The following EBPL variants were observed in gnomAD, a reference collection of about 807,000 sequenced individuals.
EBPL encodes the protein emopamil-binding protein-like.
In EBPL, 20 loss-of-function variants were observed where a neutral mutation model predicts 19.0. The observed-to-expected ratio is 1.05, with a 90% CI of 0.74 to 1.53. EBPL has a LOEUF of 1.53. EBPL is among the 40% of genes most tolerant of loss of function. The pLI, the probability that EBPL is intolerant of heterozygous loss-of-function variation, is 0.00. For synonymous variants in EBPL, 107 were observed against 117.0 expected, an observed-to-expected ratio of 0.91 and a Z score of 0.55; for missense variants, 219 against 261.1, an observed-to-expected ratio of 0.84 and a Z score of 1.11.
At chr13:49,680,344 G>A (rs1953928654) in intron 1 of EBPL, among the ~76,000 whole-genome samples, 1 of 152,192 alleles carries the variant, frequency 6.6e-6, no homozygotes, top group Non-Finnish European at 1.5e-5. Flanking sequence ...AACGTAAAGT[G>A]ACATGAGGTC....
intron 1 of EBPL, among the ~76,000 whole-genome samples, chr13:49,687,159 G>T (rs1169875626): frequency 6.6e-6 from 1 of 152,086 alleles, no homozygotes; most frequent in Non-Finnish European, 1.5e-5. Flanking sequence ...GCCAGATTTT[G>T]CTGTCTTAGT....
chr13:49,661,989 T>C, intron 3 of EBPL: 1 of 1,415,438 alleles, frequency 7.1e-7, no homozygotes, highest in Non-Finnish European at 9.7e-7. Context: ...ATAGGATGGA[T>C]AATTTTTTCA....
At chr13:49,690,173 C>CAAAAAAAAAAAAAAAAA (rs1332181431) in intron 1 of EBPL, among the ~76,000 whole-genome samples, 1 of 96,488 alleles carries the variant, frequency 1.0e-5, no homozygotes, top group African/African-American at 4.0e-5. Flanking sequence ...AAAAAAAAGA[C>CAAAAAAAAAAAAAAAAA]AAAAAAAAAA....
intron 1 of EBPL, among the ~76,000 whole-genome samples, chr13:49,675,092 C>T (rs1275980040): frequency 2.6e-5 from 4 of 152,188 alleles, no homozygotes; most frequent in South Asian, 2.1e-4. Context: ...AACGGTGATA[C>T]GCTCTGAGAA....
intron 1 of EBPL, among the ~76,000 whole-genome samples, chr13:49,672,653 G>A (rs1252432419): frequency 2.6e-5 from 4 of 152,298 alleles, no homozygotes; most frequent in East Asian, 3.8e-4. Flanking sequence ...ACATCTCACC[G>A]GAAAGTACAT....
intron 1 of EBPL, among the ~76,000 whole-genome samples, chr13:49,670,265 G>A (rs1040328751): frequency 1.3e-5 from 2 of 152,144 alleles, no homozygotes; most frequent in South Asian, 2.1e-4. Flanking sequence ...TAAAGAGAAA[G>A]GCAATCAAGT....
chr13:49,661,866 T>C (rs1349245908), intron 3 of EBPL: 15 of 1,550,580 alleles, frequency 9.7e-6, no homozygotes, highest in South Asian at 7.1e-5. Flanking sequence ...CTGTGCCTAC[T>C]TGAAATTGTT....
At chr13:49,663,989 C>T (rs539941326) in intron 2 of EBPL, among the ~76,000 whole-genome samples, 178 of 151,880 alleles carry the variant, frequency 1.2e-3, no homozygotes, top group Admixed American at 2.7e-3. Context: ...CGGTGGCTCA[C>T]GCCTGTAATC....
At chr13:49,676,908 C>T (rs1362392083) in intron 1 of EBPL, among the ~76,000 whole-genome samples, 1 of 152,116 alleles carries the variant, frequency 6.6e-6, no homozygotes, top group East Asian at 1.9e-4. Context: ...TTAGTCCTTC[C>T]TAATTTTTTT....
rs563207610 is a variant in EBPL at position 49,676,054 on chromosome 13, T to A, written c.172-6208A>T. 5.5e-4 allele frequency among the ~76,000 whole-genome samples: 84 copies of A among 152,350 alleles called. 1 individual carries two copies. The highest frequency in any genetic ancestry group is 1.9e-3 in the African/African-American group (77 of 41,574). On this transcript the variant is annotated intron_variant, in intron 1 of 3. Coordinates refer to ENST00000242827, the MANE Select transcript of EBPL (RefSeq NM_032565.5). ...CTTTGCCTACCTTTGAGGTTTTTTT[T>A]AATTGTTAAGAATGTAAGTTTTAAA...
At chr13:49,661,308 G>A (rs902650937) in intron 3 of EBPL, 100 bp from the exon 4 acceptor site, 10 of 995,428 alleles carry the variant, frequency 1.0e-5, no homozygotes, top group Middle Eastern at 2.2e-4. Context: ...AACAGTCTTC[G>A]CTATGAAAAC....
intron 1 of EBPL, among the ~76,000 whole-genome samples, chr13:49,682,645 T>C (rs1443435639): frequency 6.6e-6 from 1 of 152,244 alleles, no homozygotes; most frequent in Admixed American, 6.5e-5. Context: ...TGGCCAAGCT[T>C]GAGAAGCACT....
rs1399328931 is a variant in EBPL at position 49,669,046 on chromosome 13, AT to A, written c.241+730del. 1.9e-4 allele frequency among the ~76,000 whole-genome samples: 29 copies of A among 151,676 alleles called. 1 individual carries two copies. The highest frequency in any genetic ancestry group is 6.5e-4 in the African/African-American group (27 of 41,322). On this transcript the variant is annotated intron_variant, in intron 2 of 3. Coordinates refer to ENST00000242827, the MANE Select transcript of EBPL (RefSeq NM_032565.5). The stretch of plus-strand genomic sequence containing the variant: ...AGGGGCCCGCCACCACGCCCAGCCA[AT>A]TTTTTATATTTTTAGCACAGACAGG...
In EBPL at chr13:49,663,053, C is replaced by T. The variant is rs1166713278; in HGVS notation, c.380+4G>A. 18 of 1,613,370 alleles carry T rather than the reference C, an allele frequency of 1.1e-5. No homozygotes were observed. Among genetic ancestry groups the T allele is most frequent in the Non-Finnish European group, 1.5e-5 (18 of 1,179,998 alleles). On this transcript the variant is annotated splice_donor_region_variant and intron_variant, in intron 3 of 3. Coordinates refer to ENST00000242827, the MANE Select transcript of EBPL (RefSeq NM_032565.5). ...TTCCAGCAGGACAGAAGAAGGGCAC[C>T]TACCGGTAATATTTTTCTTTGACTA...
chr13:49,686,972 G>C (rs144255457), intron 1 of EBPL, among the ~76,000 whole-genome samples: 1,740 of 152,178 alleles, frequency 0.011, 18 homozygotes, highest in Middle Eastern at 0.027. Context: ...ATTTTTCGTA[G>C]AGATGAGGCT....
intron 3 of EBPL, chr13:49,661,977 T>C (rs1249909000): frequency 1.4e-6 from 2 of 1,452,068 alleles, no homozygotes; most frequent in African/African-American, 2.8e-5. Context: ...TCTCTGAGTC[T>C]GATAGGATGG....
intron 3 of EBPL, chr13:49,661,954 G>GGA (rs1484712579): frequency 6.5e-7 from 1 of 1,532,806 alleles, no homozygotes; most frequent in Admixed American, 2.0e-5. Flanking sequence ...AAGGAAGGGA[G>GGA]GAGAGTTTAT....
chr13:49,663,704 A>G (rs773124106), intron 2 of EBPL, among the ~76,000 whole-genome samples: 2 of 152,022 alleles, frequency 1.3e-5, no homozygotes, highest in Non-Finnish European at 1.5e-5. Flanking sequence ...TTGGGAGGCC[A>G]AGGCGGGCAG....
chr13:49,669,702 A>G, intron 2 of EBPL, 75 bp downstream of exon 2: 1 of 1,268,098 alleles, frequency 7.9e-7, no homozygotes, highest in Non-Finnish European at 1.2e-6. Flanking sequence ...ACAGTATATA[A>G]TAGAGGCGTT....
Sources: allele counts gnomAD v4.1 joint callset (sites outside exome capture counted in the v4.1 genomes callset), GRCh38; gene constraint gnomAD v4.1.1; transcripts MANE v1.5; gene names NCBI Gene and HGNC (gene_info 2026-07-23, HGNC 2026-07-21).